CSPP1: variants seen among roughly 807,000 people sequenced by gnomAD.
The protein encoded by CSPP1 is centrosome and spindle pole-associated protein 1.
CSPP1 carries 126 observed loss-of-function variants against 164.4 expected under a neutral mutation model. The ratio of observed to expected loss-of-function variants is 0.77; its 90% CI spans 0.66 to 0.89. The LOEUF is 0.89. CSPP1 is among the 40% of genes least tolerant of loss of function. CSPP1 has a pLI of 0.00. For missense variants in CSPP1, 1,395 were observed against 1,449.8 expected, an observed-to-expected ratio of 0.96 and a Z score of 0.61; for synonymous variants, 472 against 476.7, an observed-to-expected ratio of 0.99 and a Z score of 0.13.
Position 67,115,942 on chromosome 8 carries a change from C to A in CSPP1, c.1316C>A (p.Ala439Glu). 8.7e-6 allele frequency: 14 copies of A among 1,613,814 alleles called. No individual in the cohort carries two copies. Among genetic ancestry groups the A allele is most frequent in the African/African-American group, 1.3e-5 (1 of 74,972 alleles). ...EPDRLKQFSV[A>E]PRHFEEMIPP... ...GATAGACTAAAGCAGTTTAGTGTGG[C>A]ACCAAGACACTTTGAAGAGATGATA... Residue 439 changes from alanine (A) to glutamate (E), a missense_variant, in exon 13 of 31, where the codon GCA becomes GAA. Physicochemically the swap from Ala to Glu is moderately radical, Grantham distance 107. Transcript: ENST00000678616.
At chr8:67,162,136 G>C (rs912666129) in intron 22 of CSPP1, among the ~76,000 whole-genome samples, 6 of 152,182 alleles carry the variant, frequency 3.9e-5, no homozygotes, top group African/African-American at 1.2e-4. Context: ...CCTCAAGCTA[G>C]GTAGCTGTAG....
intron 16 of CSPP1, 95 bp downstream of exon 16, chr8:67,132,175 A>C (rs775312758): frequency 2.5e-5 from 31 of 1,226,714 alleles, no homozygotes; most frequent in Middle Eastern, 2.0e-4. Flanking sequence ...GGGAAAAAAA[A>C]CAGTTAATTA....
At chr8:67,177,321 A>C (rs1831933224) in intron 26 of CSPP1, among the ~76,000 whole-genome samples, 1 of 152,200 alleles carries the variant, frequency 6.6e-6, no homozygotes, top group Non-Finnish European at 1.5e-5. Flanking sequence ...AGCTTATTTC[A>C]GTTCCATGTG....
chr8:67,144,843 T>TGGATCACAA (rs1824184225), intron 17 of CSPP1, among the ~76,000 whole-genome samples: 1 of 149,222 alleles, frequency 6.7e-6, no homozygotes, highest in Non-Finnish European at 1.5e-5. Flanking sequence ...CTGAGGCAGG[T>TGGATCACAA]GGATCACAAG....
intron 18 of CSPP1, among the ~76,000 whole-genome samples, chr8:67,152,239 G>A (rs368825223): frequency 6.6e-6 from 1 of 152,006 alleles, no homozygotes; most frequent in African/African-American, 2.4e-5. Flanking sequence ...ACATATCTTT[G>A]CATATATGTA....
intron 26 of CSPP1, among the ~76,000 whole-genome samples, chr8:67,176,056 G>A (rs1382877896): frequency 6.9e-6 from 1 of 144,268 alleles, no homozygotes; most frequent in South Asian, 2.4e-4. Flanking sequence ...GATGAATATC[G>A]CACAGAAGAA....
At chr8:67,073,796 G>A (rs900327610) in intron 1 of CSPP1, among the ~76,000 whole-genome samples, 7 of 152,172 alleles carry the variant, frequency 4.6e-5, no homozygotes, top group Non-Finnish European at 8.8e-5. Flanking sequence ...GTGTGCACAA[G>A]CAAAGGATGA....
chr8:67,113,268 A>G (rs936419943), intron 10 of CSPP1, among the ~76,000 whole-genome samples: 16 of 152,178 alleles, frequency 1.1e-4, no homozygotes, highest in Non-Finnish European at 2.1e-4. Flanking sequence ...AACAACAACA[A>G]CAAAATTAGG....
At position 67,131,974 on chromosome 8, in the gene CSPP1, T is replaced by C; in HGVS notation, c.1721T>C (p.Leu574Pro). 6.2e-7 allele frequency: 1 copy of C among 1,612,168 alleles called. No homozygotes were observed. Among genetic ancestry groups the C allele is most frequent in the Non-Finnish European group, 8.5e-7 (1 of 1,178,966 alleles). ...AGGAATACGGTTGGACAGAATGAACTGAAGATTACAAGTGATCAAGTGATA... is the reference window on the plus strand; with the variant it reads ...AGGAATACGGTTGGACAGAATGAACCGAAGATTACAAGTGATCAAGTGATA... The part of the protein sequence containing the change: ...PVVNTVGQNE[L>P]KITSDQVINS... Residue 574 changes from leucine to proline, a missense_variant, in exon 16 of 31, where the codon CTG (leucine) becomes CCG (proline). By Grantham distance (98) the Leu-to-Pro change is moderately conservative. Coordinates refer to ENST00000678616, the MANE Select transcript of CSPP1 (RefSeq NM_001382391.1).
At chr8:67,171,114 G>T (rs1333745358) in intron 24 of CSPP1, among the ~76,000 whole-genome samples, 4 of 149,206 alleles carry the variant, frequency 2.7e-5, no homozygotes, top group Non-Finnish European at 6.0e-5. Flanking sequence ...AAGAGACGGG[G>T]GGCCGGGTGC....
intron 28 of CSPP1, among the ~76,000 whole-genome samples, chr8:67,188,378 G>C (rs1182500190): frequency 6.6e-6 from 1 of 152,096 alleles, no homozygotes; most frequent in Non-Finnish European, 1.5e-5. Flanking sequence ...TTGTAACTCA[G>C]CTCACACCCA....
rs1354373333 is a variant in CSPP1, at chr8:67,193,700, T to C, written c.3469+98T>C. 5.4e-6 allele frequency: 6 copies of C among 1,115,624 alleles called. No homozygotes were observed. The East Asian group carries it at 1.2e-4, about 23-fold the overall frequency. The allele number at this position is 1,115,624 out of a possible 1,614,324, so 69.1% of individuals were successfully genotyped here. A position where few individuals can be genotyped will look rare whatever the true frequency, so the allele number is the denominator to read the frequency against. The stretch of plus-strand genomic sequence containing the variant: ...ACTAACGTCTGAGGGATAGATGGAA[T>C]GAGTTTGAAGACCTTTGAGTTGTAT... On this transcript the variant is annotated intron_variant, in intron 30 of 30. Coordinates refer to ENST00000678616, the MANE Select transcript of CSPP1 (RefSeq NM_001382391.1).
At chr8:67,118,452 A>G in intron 14 of CSPP1, 83 bp downstream of exon 14, 2 of 1,397,696 alleles carry the variant, frequency 1.4e-6, no homozygotes, top group African/African-American at 1.4e-5. Context: ...AAAAATATCT[A>G]AATGAGAAAA....
chr8:67,189,333 A>T (rs577175800), intron 28 of CSPP1, among the ~76,000 whole-genome samples: 1 of 152,324 alleles, frequency 6.6e-6, no homozygotes, highest in East Asian at 1.9e-4. Context: ...TAGCACCTTT[A>T]TTCATAATTG....
At chr8:67,193,407 G>A (rs1443359521) in intron 29 of CSPP1, 57 bp from the exon 30 acceptor site, 1 of 1,527,280 alleles carries the variant, frequency 6.5e-7, no homozygotes, top group African/African-American at 1.4e-5. Context: ...CTGATTCACT[G>A]ATTTGTGAAC....
chr8:67,167,032 G>C (rs531092204), intron 24 of CSPP1, among the ~76,000 whole-genome samples: 1 of 151,450 alleles, frequency 6.6e-6, no homozygotes, highest in Non-Finnish European at 1.5e-5. Flanking sequence ...AGAGAGCACC[G>C]GGTTGGGGGT....
chr8:67,112,647 T>C (rs1279169991), intron 10 of CSPP1, among the ~76,000 whole-genome samples: 1 of 152,168 alleles, frequency 6.6e-6, no homozygotes, highest in African/African-American at 2.4e-5. Flanking sequence ...GTTGGATAAG[T>C]CCTCTCTACG....
chr8:67,104,657 A>C (rs1329939262), intron 8 of CSPP1, among the ~76,000 whole-genome samples: 2 of 148,728 alleles, frequency 1.3e-5, no homozygotes, highest in Admixed American at 1.4e-4. Flanking sequence ...TTCTTTTTTG[A>C]GACAGAGTCT....
Position 67,079,745 on chromosome 8 carries a change from G to T in CSPP1, c.199+3164G>T, listed in dbSNP as rs1450514294. On this transcript the variant is annotated intron_variant, in intron 3 of 30. Coordinates refer to ENST00000678616, the MANE Select transcript of CSPP1 (RefSeq NM_001382391.1). The stretch of plus-strand genomic sequence containing the variant: ...TGGTCAATCCTGTCATGTGCTTCTA[G>T]AGGATTTGTTCTCCTCTTGAAGAGT... 3.3e-5 allele frequency among the ~76,000 whole-genome samples: 5 copies of T among 152,120 alleles called. No individual in the cohort carries two copies. The East Asian group carries it at 9.6e-4, about 29-fold the overall frequency.
Sources: gnomAD v4.1 joint callset for allele counts (sites outside exome capture counted in the v4.1 genomes callset) on GRCh38, gnomAD v4.1.1 for gene constraint, MANE v1.5 for transcripts, NCBI Gene and HGNC (gene_info 2026-07-23, HGNC 2026-07-21) for gene names.